ERBB4: variants seen among roughly 807,000 people sequenced by gnomAD.
The protein encoded by ERBB4 is erb-b2 receptor tyrosine kinase 4, also known as receptor tyrosine-protein kinase erbB-4.
ERBB4 carries 42 observed loss-of-function variants against 158.0 expected under a neutral mutation model. The observed-to-expected ratio is 0.27, with a 90% confidence interval of 0.21 to 0.34. ERBB4 has a LOEUF of 0.34. Ranked by LOEUF, ERBB4 falls within the 10% of genes least tolerant of loss-of-function variation. ERBB4 has a pLI of 1.00. For missense variants in ERBB4, 1,333 were observed against 1,624.1 expected, an observed-to-expected ratio of 0.82 and a Z score of 3.08; for synonymous variants, 583 against 558.7, an observed-to-expected ratio of 1.04 and a Z score of -0.61.
intron 2 of ERBB4, among the ~76,000 whole-genome samples, chr2:212,006,224 A>T (rs1390049978): frequency 6.6e-6 from 1 of 152,152 alleles, no homozygotes; most frequent in Non-Finnish European, 1.5e-5. Flanking sequence ...GAGAAAAAAT[A>T]ACTTGCACAT....
intron 16 of ERBB4, among the ~76,000 whole-genome samples, chr2:211,650,070 T>C (rs1488537189): frequency 6.6e-6 from 1 of 151,990 alleles, no homozygotes; most frequent in Non-Finnish European, 1.5e-5. Context: ...TCATTTTATG[T>C]AACCACATCA....
intron 1 of ERBB4, among the ~76,000 whole-genome samples, chr2:212,240,085 T>C (rs1255950298): frequency 1.3e-5 from 2 of 152,188 alleles, no homozygotes; most frequent in Non-Finnish European, 1.5e-5. Context: ...CTTGTACTGA[T>C]ACTCGTAGCA....
intron 1 of ERBB4, among the ~76,000 whole-genome samples, chr2:212,294,875 T>A (rs943900724): frequency 6.6e-6 from 1 of 152,098 alleles, no homozygotes; most frequent in African/African-American, 2.4e-5. Context: ...TGATAGAGTG[T>A]AAAATCTTGG....
intron 1 of ERBB4, among the ~76,000 whole-genome samples, chr2:212,193,139 C>G (rs1243680302): frequency 6.6e-6 from 1 of 152,132 alleles, no homozygotes; most frequent in African/African-American, 2.4e-5. Context: ...TTGGATATAG[C>G]TGGACTGATG....
chr2:211,746,663 T>C (rs1473686923), intron 5 of ERBB4, among the ~76,000 whole-genome samples: 1 of 151,994 alleles, frequency 6.6e-6, no homozygotes, highest in Non-Finnish European at 1.5e-5. Flanking sequence ...ACCCCGTCTC[T>C]ACTAAAAGTA....
intron 2 of ERBB4, among the ~76,000 whole-genome samples, chr2:212,121,186 A>C (rs1245623242): frequency 1.3e-5 from 2 of 152,280 alleles, no homozygotes; most frequent in South Asian, 4.1e-4. Flanking sequence ...TGAGCTCACC[A>C]AAAAAACAGA....
At chr2:212,510,205 G>A (rs1398193689) in intron 1 of ERBB4, among the ~76,000 whole-genome samples, 2 of 130,472 alleles carry the variant, frequency 1.5e-5, no homozygotes, top group African/African-American at 6.0e-5. Context: ...TAACCACACA[G>A]TATATATATA....
intron 5 of ERBB4, among the ~76,000 whole-genome samples, chr2:211,746,445 T>C (rs183618557): frequency 5.6e-4 from 86 of 152,292 alleles, no homozygotes; most frequent in Non-Finnish European, 8.8e-4. Flanking sequence ...AATTAAGTAA[T>C]TTCACGTCTG....
At chr2:212,237,332 C>T (rs142770774) in intron 1 of ERBB4, among the ~76,000 whole-genome samples, 323 of 152,280 alleles carry the variant, frequency 2.1e-3, no homozygotes, top group Non-Finnish European at 3.7e-3. Flanking sequence ...AACAGTCATG[C>T]CCCTCTGCTG....
chr2:211,981,208 C>A (rs2081786820), intron 2 of ERBB4, among the ~76,000 whole-genome samples: 1 of 152,132 alleles, frequency 6.6e-6, no homozygotes, highest in African/African-American at 2.4e-5. Flanking sequence ...GGTTCCCACT[C>A]TTCCCTAAGA....
intron 1 of ERBB4, among the ~76,000 whole-genome samples, chr2:212,239,457 A>G (rs10194226): frequency 0.042 from 6,332 of 152,260 alleles, 397 homozygotes; most frequent in African/African-American, 0.14. Flanking sequence ...TAGGGAGTAA[A>G]TCACCATCCA....
chr2:212,327,807 A>G (rs1044580436), intron 1 of ERBB4, among the ~76,000 whole-genome samples: 5 of 142,998 alleles, frequency 3.5e-5, no homozygotes, highest in African/African-American at 7.7e-5. Flanking sequence ...CATAAAAATT[A>G]TTGGATTGTA....
At chr2:212,161,065 C>T (rs1559624741) in intron 1 of ERBB4, among the ~76,000 whole-genome samples, 1 of 151,924 alleles carries the variant, frequency 6.6e-6, no homozygotes, top group African/African-American at 2.4e-5. Flanking sequence ...ATAAATATGT[C>T]ATCTCCACAA....
At chr2:212,250,427 A>G (rs2084486778) in intron 1 of ERBB4, among the ~76,000 whole-genome samples, 1 of 151,894 alleles carries the variant, frequency 6.6e-6, no homozygotes, top group Non-Finnish European at 1.5e-5. Flanking sequence ...AATTTCTCTC[A>G]ATGACTTTTT....
At chr2:212,241,904 A>T (rs913671777) in intron 1 of ERBB4, among the ~76,000 whole-genome samples, 1 of 152,118 alleles carries the variant, frequency 6.6e-6, no homozygotes, top group Non-Finnish European at 1.5e-5. Flanking sequence ...TAAATTTATT[A>T]TATAAGTAAT....
At chr2:211,418,475 A>G (rs1057076923) in intron 25 of ERBB4, among the ~76,000 whole-genome samples, 10 of 152,156 alleles carry the variant, frequency 6.6e-5, no homozygotes, top group African/African-American at 2.4e-4. Context: ...TTGTTTTATA[A>G]TGTGGAATAA....
intron 1 of ERBB4, among the ~76,000 whole-genome samples, chr2:212,286,743 A>G (rs906476522): frequency 3.4e-5 from 4 of 116,230 alleles, no homozygotes. Flanking sequence ...CTGGGACTAT[A>G]GGCGGGTGGC....
intron 1 of ERBB4, among the ~76,000 whole-genome samples, chr2:212,146,009 T>C (rs2080659732): frequency 6.6e-6 from 1 of 152,128 alleles, no homozygotes; most frequent in African/African-American, 2.4e-5. Context: ...TTATGCTTCC[T>C]GGTGTGTCTC....
chr2:212,062,022 A>G (rs1430025769), intron 2 of ERBB4, among the ~76,000 whole-genome samples: 1 of 152,166 alleles, frequency 6.6e-6, no homozygotes, highest in Non-Finnish European at 1.5e-5. Context: ...GGCATGAGCC[A>G]CTGCACCTGG....
Sources: gnomAD v4.1 joint callset for allele counts (sites outside exome capture counted in the v4.1 genomes callset) on GRCh38, gnomAD v4.1.1 for gene constraint, MANE v1.5 for transcripts, NCBI Gene and HGNC (gene_info 2026-07-23, HGNC 2026-07-21) for gene names.